Variants in RNF175 observed in about 807,000 individuals in gnomAD.
RNF175 encodes the protein ring finger protein 175.
A neutral mutation model predicts 50.0 loss-of-function variants in RNF175; 38 were observed. The ratio of observed to expected loss-of-function variants is 0.76; its 90% CI spans 0.59 to 1.00. RNF175 has a LOEUF of 1.00. Ranked by LOEUF, RNF175 falls within the 50% of genes least tolerant of loss-of-function variation. RNF175 has a pLI of 0.00. For missense variants in RNF175, 388 were observed against 409.6 expected, an observed-to-expected ratio of 0.95 and a Z score of 0.46; for synonymous variants, 155 against 146.1, an observed-to-expected ratio of 1.06 and a Z score of -0.44.
intron 3 of RNF175, among the ~76,000 whole-genome samples, chr4:153,742,272 C>CAA (rs34991607): frequency 0.24 from 25,244 of 103,204 alleles, 3,324 homozygotes; most frequent in East Asian, 0.55. Context: ...GCTTCTGTTC[C>CAA]AAAAAAAAAA....
At chr4:153,752,121 C>A (rs1186153007) in intron 1 of RNF175, among the ~76,000 whole-genome samples, 4 of 152,210 alleles carry the variant, frequency 2.6e-5, no homozygotes, top group African/African-American at 9.7e-5. Flanking sequence ...CATGGACTAC[C>A]TTTTCTAGAT....
intron 6 of RNF175, among the ~76,000 whole-genome samples, chr4:153,716,040 G>A (rs1437025062): frequency 7.0e-6 from 1 of 142,928 alleles, no homozygotes; most frequent in African/African-American, 2.6e-5. Flanking sequence ...CTCTAGCCTG[G>A]GTGACAGAGC....
At chr4:153,753,669 T>A (rs1740412234) in intron 1 of RNF175, among the ~76,000 whole-genome samples, 1 of 151,812 alleles carries the variant, frequency 6.6e-6, no homozygotes, top group African/African-American at 2.4e-5. Context: ...GCGATTCTCC[T>A]GCCTTAGCCT....
At chr4:153,724,954 G>C (rs1738592051) in intron 4 of RNF175, among the ~76,000 whole-genome samples, 1 of 145,850 alleles carries the variant, frequency 6.9e-6, no homozygotes, top group African/African-American at 2.6e-5. Flanking sequence ...AGTGGGCAGG[G>C]GTGAGCTACG....
rs552842920 is a variant in RNF175, at chr4:153,721,007, T to C, written c.510-703A>G. Among the ~76,000 whole-genome samples the C allele has an allele frequency of 1.8e-4, 28 of 152,354 alleles. No homozygotes were observed. In the South Asian group the frequency reaches 5.8e-3, roughly 32 times the overall value. On this transcript the variant is annotated intron_variant, in intron 5 of 8. Coordinates refer to ENST00000347063, the MANE Select transcript of RNF175 (RefSeq NM_173662.4). ...AAACATTATTTGCTTGACACAAAAA[T>C]TGGTACATCACAAAGCCACAAATCA...
chr4:153,758,165 T>C (rs1378745465), intron 1 of RNF175, among the ~76,000 whole-genome samples: 1 of 152,198 alleles, frequency 6.6e-6, no homozygotes, highest in Non-Finnish European at 1.5e-5. Context: ...TATCAGATAA[T>C]AGGCTGGTCA....
At chr4:153,730,027 C>G (rs1176945455) in intron 3 of RNF175, among the ~76,000 whole-genome samples, 2 of 152,124 alleles carry the variant, frequency 1.3e-5, no homozygotes, top group Non-Finnish European at 2.9e-5. Context: ...GAAAAACAAG[C>G]TTTACTTAAG....
intron 7 of RNF175, among the ~76,000 whole-genome samples, chr4:153,712,926 C>T (rs772384719): frequency 1.3e-5 from 2 of 150,218 alleles, no homozygotes; most frequent in Non-Finnish European, 3.0e-5. Context: ...TGTTATTGTG[C>T]GTTTCTCAGG....
Position 153,720,206 on chromosome 4 carries a change from T to A in RNF175, c.608A>T (p.Asp203Val). The change falls in exon 6 of 9, where the codon GAC becomes GTC. Residue 203 changes from aspartate to valine, a missense_variant. Asp to Val is a radical substitution (Grantham distance 152, BLOSUM62 -3). Transcript: ENST00000347063. ...MGRDFAEICSDYMASTIGFYS... is the reference protein window; with the variant it reads ...MGRDFAEICSVYMASTIGFYS... Reference sequence around the variant, plus strand: ...TACCCCTATAGTGGAAGCCATGTAGTCTGAGCAGATCTCGGCAAAGTCTCT... The same window carrying A: ...TACCCCTATAGTGGAAGCCATGTAGACTGAGCAGATCTCGGCAAAGTCTCT... 6.2e-7 allele frequency: 1 copy of A among 1,613,830 alleles called. No homozygotes were observed. Among genetic ancestry groups the A allele is most frequent in the Admixed American group, 1.7e-5 (1 of 60,018 alleles).
intron 3 of RNF175, among the ~76,000 whole-genome samples, chr4:153,747,813 T>G (rs756421734): frequency 6.6e-6 from 1 of 152,240 alleles, no homozygotes; most frequent in Non-Finnish European, 1.5e-5. Context: ...CACTTCTTCG[T>G]ATCAATTTTC....
chr4:153,729,969 T>C (rs1738937912), intron 3 of RNF175, among the ~76,000 whole-genome samples: 1 of 152,226 alleles, frequency 6.6e-6, no homozygotes, highest in African/African-American at 2.4e-5. Flanking sequence ...GGAAAATGAA[T>C]GAGTTAGCAC....
At chr4:153,754,496 G>C (rs1407246611) in intron 1 of RNF175, among the ~76,000 whole-genome samples, 1 of 152,102 alleles carries the variant, frequency 6.6e-6, no homozygotes, top group Non-Finnish European at 1.5e-5. Flanking sequence ...GGAGTCAGTG[G>C]GGTCAGTCCA....
At chr4:153,750,463 G>A (rs1261391161) in intron 2 of RNF175, among the ~76,000 whole-genome samples, 1 of 152,202 alleles carries the variant, frequency 6.6e-6, no homozygotes, top group Non-Finnish European at 1.5e-5. Context: ...TACTGCTCAA[G>A]TTCAGTTTCT....
chr4:153,759,974 T>TGCG lies in RNF175; in HGVS notation c.-115_-113dup, dbSNP rs1275849689. The TGCG allele has an allele frequency of 1.7e-5, 10 of 593,466 alleles. No homozygotes were observed. The highest frequency in any genetic ancestry group is 7.8e-5 in the African/African-American group (4 of 51,532). The allele number at this position is 593,466 out of a possible 1,614,324, so 36.8% of individuals were successfully genotyped here. On this transcript the variant is annotated 5_prime_UTR_variant, in exon 1 of 9. Transcript: ENST00000347063. ...GGGAGCCGAGGGTGAGAGCCGGATC[T>TGCG]GCGGCGGCGGCGGAGCGGCGGCCCT... is the stretch of plus-strand genomic sequence containing the variant.
intron 1 of RNF175, among the ~76,000 whole-genome samples, chr4:153,756,616 T>C (rs924002131): frequency 4.6e-5 from 7 of 152,184 alleles, no homozygotes; most frequent in Non-Finnish European, 1.0e-4. Context: ...TTGTCATTCA[T>C]TCAGCAAATA....
At chr4:153,721,251 CTCTA>C (rs891661369) in intron 5 of RNF175, 4 of 152,016 alleles carry the variant, frequency 2.6e-5, no homozygotes, top group Non-Finnish European at 4.4e-5. Flanking sequence ...ATTTGGTTTG[CTCTA>C]TCTATAAAAC....
At chr4:153,722,093 T>G (rs17279789) in intron 5 of RNF175, among the ~76,000 whole-genome samples, 1 of 152,170 alleles carries the variant, frequency 6.6e-6, no homozygotes, top group Non-Finnish European at 1.5e-5. Context: ...ATTTCTGTTA[T>G]GGTCCCAGAA....
chr4:153,715,524 G>A lies in RNF175; in HGVS notation c.764+5C>T. 7.6e-6 allele frequency: 12 copies of A among 1,580,492 alleles called. No homozygotes were observed. Among genetic ancestry groups the A allele is most frequent in the Non-Finnish European group, 1.0e-5 (12 of 1,162,840 alleles). On this transcript the variant is annotated splice_donor_5th_base_variant and intron_variant, in intron 7 of 8. Coordinates refer to ENST00000347063, the MANE Select transcript of RNF175 (RefSeq NM_173662.4). The stretch of plus-strand genomic sequence containing the variant: ...AGCCCAAACAATTTCCTTTGAAAAG[G>A]ATACACATGATTACAGGAAAGCTGG...
chr4:153,753,168 A>G (rs1395465900), intron 1 of RNF175, among the ~76,000 whole-genome samples: 3 of 152,230 alleles, frequency 2.0e-5, no homozygotes, highest in Non-Finnish European at 4.4e-5. Context: ...GCCCACCAGC[A>G]TGCGGGCAGT....
Sources: allele counts gnomAD v4.1 joint callset (sites outside exome capture counted in the v4.1 genomes callset), GRCh38; gene constraint gnomAD v4.1.1; transcripts MANE v1.5; gene names NCBI Gene and HGNC (gene_info 2026-07-23, HGNC 2026-07-21).